The following VCP variants were observed in gnomAD, a reference collection of about 807,000 sequenced individuals.
The protein encoded by VCP is valosin containing protein, also known as transitional endoplasmic reticulum ATPase.
In VCP, 6 loss-of-function variants were observed where a neutral mutation model predicts 85.7. The ratio of observed to expected loss-of-function variants is 0.07; its 90% CI spans 0.04 to 0.14. VCP has a LOEUF of 0.14. Ranked by LOEUF, VCP falls within the 10% of genes least tolerant of loss-of-function variation. The pLI, the probability that VCP is intolerant of heterozygous loss-of-function variation, is 1.00. For missense variants in VCP, 353 were observed against 1,043.4 expected, an observed-to-expected ratio of 0.34 and a Z score of 9.12; for synonymous variants, 384 against 367.1, an observed-to-expected ratio of 1.05 and a Z score of -0.53.
In VCP at chr9:35,059,228, A is replaced by G. The variant is rs1345468423; in HGVS notation, c.2005-9T>C. Reference sequence around the variant, plus strand: ...AACTCCAAGTCCACATCCTAAAAGCAGCAGCAGAGGTACCTTAGCATTTAG... The same window carrying G: ...AACTCCAAGTCCACATCCTAAAAGCGGCAGCAGAGGTACCTTAGCATTTAG... On this transcript the variant is annotated splice_polypyrimidine_tract_variant and intron_variant, in intron 14 of 16. Transcript: ENST00000358901. The surrounding 1 kb of genome is among the most constrained non-coding windows in gnomAD (Gnocchi z 4.9). The G allele has an allele frequency of 1.2e-6, 2 of 1,614,228 alleles. No individual in the cohort carries two copies. Among genetic ancestry groups the G allele is most frequent in the Admixed American group, 3.3e-5 (2 of 60,030 alleles).
At position 35,059,359 on chromosome 9, in the gene VCP, G is replaced by C; in HGVS notation, c.2004+134C>G. On this transcript the variant is annotated intron_variant, in intron 14 of 16. Coordinates refer to ENST00000358901, the MANE Select transcript of VCP (RefSeq NM_007126.5). This position sits in a 1 kb window ranked among gnomAD's most constrained non-coding sequence, Gnocchi z 4.9. The stretch of plus-strand genomic sequence containing the variant: ...TTTATTCCTGATTCTAGATTATCTT[G>C]ATATCCTCAAAAATTCTACCTTCCC... 6.6e-7 allele frequency: 1 copy of C among 1,525,664 alleles called. No homozygotes were observed. The highest frequency in any genetic ancestry group is 1.2e-5 in the South Asian group (1 of 84,322). 94.5% of individuals were successfully genotyped at this position (1,525,664 alleles called of 1,614,324 possible).
chr9:35,072,095 G>A, intron 1 of VCP: 1 of 1,333,160 alleles, frequency 7.5e-7, no homozygotes. Context: ...GACACAGCAC[G>A]ATCCGGCCCA....
intron 3 of VCP, among the ~76,000 whole-genome samples, chr9:35,067,142 T>C: frequency 6.6e-6 from 1 of 152,112 alleles, no homozygotes; most frequent in Admixed American, 6.5e-5. Context: ...AAGCTAACAA[T>C]TGTCAGGGTC....
intron 3 of VCP, 87 bp downstream of exon 3, chr9:35,067,804 G>C (rs1828862014): frequency 1.3e-6 from 2 of 1,555,338 alleles, no homozygotes; most frequent in Admixed American, 3.5e-5. Flanking sequence ...CCAAGAACTT[G>C]GTCCTGCCTG....
chr9:35,056,710 C>T lies in VCP; in HGVS notation c.*407G>A, dbSNP rs1207539728. 9 of 270,454 alleles carry T rather than the reference C, an allele frequency of 3.3e-5. No homozygotes were observed. Among genetic ancestry groups the T allele is most frequent in the Non-Finnish European group, 5.1e-5 (7 of 136,156 alleles). The allele number at this position is 270,454 out of a possible 1,614,324, so 16.8% of individuals were successfully genotyped here. ...TATAAACATCCAGCAACTGTGGCCC[C>T]TACCCACCTACCCAGGTTGGATAGG... On this transcript the variant is annotated 3_prime_UTR_variant, in exon 17 of 17. Coordinates refer to ENST00000358901, the MANE Select transcript of VCP (RefSeq NM_007126.5).
At chr9:35,072,211 T>TTCC in intron 1 of VCP, 126 bp downstream of exon 1, 1 of 1,442,300 alleles carries the variant, frequency 6.9e-7, no homozygotes, top group African/African-American at 1.5e-5. Context: ...GCCCCCTAGC[T>TTCC]TCCCTTCCCT....
chr9:35,060,936 G>T lies in VCP; in HGVS notation c.1360-13C>A. 1 of 1,614,168 alleles carries T rather than the reference G, an allele frequency of 6.2e-7. No individual in the cohort carries two copies. Among genetic ancestry groups the T allele is most frequent in the Non-Finnish European group, 8.5e-7 (1 of 1,180,032 alleles). ...GGCTCAAGGCCCACTAGAAAAGGAG[G>T]GAAAACTGGGGATGAGACTTATCAA... On this transcript the variant is annotated splice_polypyrimidine_tract_variant and intron_variant, in intron 11 of 16. Transcript: ENST00000358901.
intron 1 of VCP, among the ~76,000 whole-genome samples, chr9:35,068,591 G>A (rs1828880244): frequency 6.6e-6 from 1 of 152,118 alleles, no homozygotes; most frequent in African/African-American, 2.4e-5. Context: ...CAGCTATAAG[G>A]CCCCAAGTGA....
intron 5 of VCP, among the ~76,000 whole-genome samples, chr9:35,064,920 T>C (rs1359803387): frequency 6.6e-6 from 1 of 152,116 alleles, no homozygotes; most frequent in African/African-American, 2.4e-5. Context: ...CAGGCTGGAG[T>C]GCAGTGGCAC....
rs1030776818 is a variant in VCP at position 35,072,054 on chromosome 9, G to A, written c.17+283C>T. 11 of 1,258,630 alleles carry A rather than the reference G, an allele frequency of 8.7e-6. No individual in the cohort carries two copies. The East Asian group carries it at 3.5e-4, about 40-fold the overall frequency. The allele number at this position is 1,258,630 out of a possible 1,614,324, so 78.0% of individuals were successfully genotyped here. On this transcript the variant is annotated intron_variant, in intron 1 of 16. Coordinates refer to ENST00000358901, the MANE Select transcript of VCP (RefSeq NM_007126.5). Reference sequence around the variant, plus strand: ...GGCCAGGCCCAGACGTCCGTTCTAAGGGAGCCAATCGGGCGGGCCGGGGCC... The same window carrying A: ...GGCCAGGCCCAGACGTCCGTTCTAAAGGAGCCAATCGGGCGGGCCGGGGCC...
chr9:35,067,834 G>A, intron 3 of VCP, 57 bp downstream of exon 3: 2 of 1,608,316 alleles, frequency 1.2e-6, no homozygotes, highest in East Asian at 4.5e-5. Context: ...GGTCCTGCCT[G>A]TAATGCAGGC....
chr9:35,069,444 C>CTTTTTTTTT (rs35498216), intron 1 of VCP, among the ~76,000 whole-genome samples: 6 of 96,110 alleles, frequency 6.2e-5, no homozygotes, highest in African/African-American at 1.5e-4. Context: ...CTCCCTCTCC[C>CTTTTTTTTT]TTTTTTTTTT....
intron 1 of VCP, among the ~76,000 whole-genome samples, chr9:35,068,636 A>G (rs1828881231): frequency 1.3e-5 from 2 of 152,184 alleles, no homozygotes; most frequent in Admixed American, 1.3e-4. Context: ...ATAATGGCCT[A>G]AGAAGAAGAC....
chr9:35,058,238 G>A (rs534398232), intron 15 of VCP, among the ~76,000 whole-genome samples: 72 of 152,264 alleles, frequency 4.7e-4, no homozygotes, highest in Admixed American at 1.4e-3. Context: ...AGAGAGAAGG[G>A]ATGTCACAGA....
Position 35,062,970 on chromosome 9 carries a change from T to C in VCP, c.811+8A>G. The C allele has an allele frequency of 6.2e-7, 1 of 1,613,790 alleles. No homozygotes were observed. On this transcript the variant is annotated splice_region_variant and intron_variant, in intron 7 of 16. Coordinates refer to ENST00000358901, the MANE Select transcript of VCP (RefSeq NM_007126.5). Reference sequence around the variant, plus strand: ...CTAGCTAGACATAAGATGAACCAAATATCTCACCATTGATCAAGAAGAAGA... The same window carrying C: ...CTAGCTAGACATAAGATGAACCAAACATCTCACCATTGATCAAGAAGAAGA...
chr9:35,057,906 G>A, intron 15 of VCP: 1 of 350,086 alleles, frequency 2.9e-6, no homozygotes, highest in Non-Finnish European at 5.5e-6. Flanking sequence ...GAATTTTATT[G>A]TATTTATATC....
rs137953487 is a variant in VCP at position 35,056,679 on chromosome 9, T to G, written c.*438A>C. The G allele has an allele frequency of 9.1e-6, 2 of 220,464 alleles. No homozygotes were observed. The highest frequency in any genetic ancestry group is 2.1e-4 in the East Asian group (2 of 9,402). 13.7% of individuals were successfully genotyped at this position (220,464 alleles called of 1,614,324 possible). A position where few individuals can be genotyped will look rare whatever the true frequency, so the allele number is the denominator to read the frequency against. On this transcript the variant is annotated 3_prime_UTR_variant, in exon 17 of 17. Coordinates refer to ENST00000358901, the MANE Select transcript of VCP (RefSeq NM_007126.5). The stretch of plus-strand genomic sequence containing the variant: ...AAGCATGTAAAATAAATCAACCTAC[T>G]CTCTATATAAACATCCAGCAACTGT...
At chr9:35,071,293 GTTTTTTTTTTTTT>G (rs869178164) in intron 1 of VCP, among the ~76,000 whole-genome samples, 5 of 69,088 alleles carry the variant, frequency 7.2e-5, no homozygotes, top group Admixed American at 2.0e-4. Flanking sequence ...GGCTGGCTGT[GTTTTTTTTTTTTT>G]TTTTTTTTTT....
At chr9:35,058,063 C>G (rs1431105793) in intron 15 of VCP, among the ~76,000 whole-genome samples, 2 of 152,132 alleles carry the variant, frequency 1.3e-5, no homozygotes, top group South Asian at 2.1e-4. Flanking sequence ...GATTGCAATC[C>G]TACTACTAGA....
Sources: gnomAD v4.1 joint callset for allele counts (sites outside exome capture counted in the v4.1 genomes callset) on GRCh38, gnomAD v4.1.1 for gene constraint, Gnocchi (gnomAD v3.1) non-coding constraint, MANE v1.5 for transcripts, NCBI Gene and HGNC (gene_info 2026-07-23, HGNC 2026-07-21) for gene names.